The following CEP128 variants were observed in gnomAD, a reference collection of about 807,000 sequenced individuals.
CEP128 encodes the protein centrosomal protein 128.
In CEP128, 132 loss-of-function variants were observed where a neutral mutation model predicts 156.7. The observed-to-expected ratio is 0.84, with a 90% CI of 0.73 to 0.97. The LOEUF is 0.97. Ranked by LOEUF, CEP128 falls within the 50% of genes least tolerant of loss-of-function variation. The pLI is 0.00. For synonymous variants in CEP128, 469 were observed against 448.9 expected (o/e 1.04, Z -0.57); for missense variants, 1,252 against 1,281.9 (o/e 0.98, Z 0.36).
chr14:80,856,982 G>A (rs996844160), intron 9 of CEP128, among the ~76,000 whole-genome samples: 2 of 151,160 alleles, frequency 1.3e-5, no homozygotes, highest in African/African-American at 2.4e-5. Flanking sequence ...TCCTGATCTC[G>A]AGTGACCCGC....
intron 19 of CEP128, among the ~76,000 whole-genome samples, chr14:80,619,367 G>GACACAGAC (rs1893366517): frequency 7.2e-6 from 1 of 139,374 alleles, no homozygotes; most frequent in East Asian, 2.1e-4. Context: ...AAGACACACA[G>GACACAGAC]ACACACACAC....
intron 19 of CEP128, among the ~76,000 whole-genome samples, chr14:80,715,926 A>C (rs1036536166): frequency 2.0e-4 from 30 of 152,202 alleles, no homozygotes; most frequent in African/African-American, 6.5e-4. Flanking sequence ...ATGAGTGTTA[A>C]CCACTTTTTC....
chr14:80,651,232 A>C (rs1311847071), intron 19 of CEP128, among the ~76,000 whole-genome samples: 1 of 152,116 alleles, frequency 6.6e-6, no homozygotes, highest in Admixed American at 6.6e-5. Context: ...CTCTGATGGT[A>C]GTTTGTATTT....
chr14:80,528,615 G>T (rs72689035), intron 22 of CEP128, among the ~76,000 whole-genome samples: 2 of 152,094 alleles, frequency 1.3e-5, no homozygotes, highest in Non-Finnish European at 2.9e-5. Flanking sequence ...AAATATGACC[G>T]CATTTAAACA....
chr14:80,815,444 G>A (rs748892108), intron 13 of CEP128, among the ~76,000 whole-genome samples: 1 of 152,178 alleles, frequency 6.6e-6, no homozygotes, highest in Non-Finnish European at 1.5e-5. Flanking sequence ...TGGAGGAAAA[G>A]GCAATGCTGG....
At chr14:80,752,755 G>A (rs1007019190) in intron 18 of CEP128, among the ~76,000 whole-genome samples, 6 of 152,134 alleles carry the variant, frequency 3.9e-5, no homozygotes, top group African/African-American at 1.2e-4. Context: ...TAAGCCCTTC[G>A]CAGTAACTAA....
rs74064764 is a variant in CEP128, at chr14:80,955,443, A to C, written c.-172+2735T>G. 3.0e-3 allele frequency: 1,778 copies of C among 588,348 alleles called. 43 individuals are homozygous for C. Among genetic ancestry groups the C allele is most frequent in the African/African-American group, 0.03 (1,618 of 54,024 alleles). 36.4% of individuals were successfully genotyped at this position (588,348 alleles called of 1,614,324 possible). ...GCGGACTGCGTGGGTCCAGCCAAGG[A>C]AAGTGAAGCAAGCAGACTTGTTTGG... On this transcript the variant is annotated intron_variant, in intron 2 of 7. Transcript: ENST00000555529.
intron 21 of CEP128, among the ~76,000 whole-genome samples, chr14:80,555,013 T>A (rs572517352): frequency 6.6e-6 from 1 of 152,166 alleles, no homozygotes; most frequent in Admixed American, 6.5e-5. Flanking sequence ...GAAGGACCTA[T>A]TTAGATCCTG....
At chr14:80,917,418 A>C (rs565080772) in intron 2 of CEP128, among the ~76,000 whole-genome samples, 7 of 152,360 alleles carry the variant, frequency 4.6e-5, no homozygotes, top group Non-Finnish European at 1.0e-4. Context: ...TTCATTTTCT[A>C]CTTACTGGTG....
chr14:80,529,991 A>G (rs1040857402), intron 22 of CEP128, among the ~76,000 whole-genome samples: 2 of 152,168 alleles, frequency 1.3e-5, no homozygotes, highest in Non-Finnish European at 1.5e-5. Flanking sequence ...TTTCCTATCC[A>G]CTGTATCTTC....
chr14:80,749,221 T>G (rs1056255443), intron 18 of CEP128, among the ~76,000 whole-genome samples: 1 of 152,124 alleles, frequency 6.6e-6, no homozygotes, highest in African/African-American at 2.4e-5. Context: ...GGAGAACATA[T>G]GGAGGTTTCT....
intron 14 of CEP128, among the ~76,000 whole-genome samples, chr14:80,482,692 G>C (rs1440837083): frequency 6.6e-6 from 1 of 152,166 alleles, no homozygotes; most frequent in Non-Finnish European, 1.5e-5. Flanking sequence ...ACCTTGGGAA[G>C]CTCAAACTTT....
At chr14:80,892,752 A>G (rs1321329386) in intron 8 of CEP128, among the ~76,000 whole-genome samples, 3 of 151,982 alleles carry the variant, frequency 2.0e-5, no homozygotes, top group African/African-American at 7.2e-5. Flanking sequence ...CTAAATAGAC[A>G]TTTCTCCATA....
rs566675444 is a variant in CEP128, at chr14:80,770,143, G to A, written c.2376+7739C>T. Among the ~76,000 whole-genome samples, 9 of 152,322 alleles carry A rather than the reference G, an allele frequency of 5.9e-5. No homozygotes were observed. In the East Asian group the frequency reaches 1.5e-3, roughly 26 times the overall value. On this transcript the variant is annotated intron_variant, in intron 16 of 24. Coordinates refer to ENST00000555265, the MANE Select transcript of CEP128 (RefSeq NM_152446.5). ...GTTATCAATCCCTCAGTGAGTTAAGGATTTAATAGCAGGCCTCTCAATCAA... is the reference window on the plus strand; with the variant it reads ...GTTATCAATCCCTCAGTGAGTTAAGAATTTAATAGCAGGCCTCTCAATCAA...
chr14:80,574,357 A>G (rs1891268423), intron 20 of CEP128, among the ~76,000 whole-genome samples: 1 of 152,108 alleles, frequency 6.6e-6, no homozygotes, highest in African/African-American at 2.4e-5. Context: ...TGCAATCTCT[A>G]AAAGTACTGG....
At position 80,578,234 on chromosome 14, in the gene CEP128, T is replaced by C. The variant is rs575401624; in HGVS notation, c.2856+2140A>G. ...TACACACAGCTTGCCTTTGTATCCCTAGCACCTAGTACAGTGGTGTGCACA... is the reference window on the plus strand; with the variant it reads ...TACACACAGCTTGCCTTTGTATCCCCAGCACCTAGTACAGTGGTGTGCACA... On this transcript the variant is annotated intron_variant, in intron 20 of 24. Coordinates refer to ENST00000555265, the MANE Select transcript of CEP128 (RefSeq NM_152446.5). 3.5e-4 allele frequency among the ~76,000 whole-genome samples: 53 copies of C among 152,294 alleles called. No homozygotes were observed. In the South Asian group the frequency reaches 0.01, roughly 29 times the overall value.
chr14:80,551,558 T>C (rs1890209363), intron 21 of CEP128, among the ~76,000 whole-genome samples: 1 of 152,240 alleles, frequency 6.6e-6, no homozygotes, highest in Admixed American at 6.5e-5. Flanking sequence ...CTGTGAAAAC[T>C]GTCTCACTTT....
intron 2 of CEP128, among the ~76,000 whole-genome samples, chr14:80,934,887 A>G (rs908522126): frequency 1.3e-5 from 2 of 152,246 alleles, no homozygotes; most frequent in African/African-American, 4.8e-5. Context: ...ACATTTATAC[A>G]AAGGCATAAT....
intron 19 of CEP128, among the ~76,000 whole-genome samples, chr14:80,665,893 A>G (rs1895592110): frequency 6.6e-6 from 1 of 152,218 alleles, no homozygotes. Flanking sequence ...ATGCCATAAA[A>G]TGACCAAAGT....
Sources: allele counts gnomAD v4.1 joint callset (sites outside exome capture counted in the v4.1 genomes callset), GRCh38; gene constraint gnomAD v4.1.1; transcripts MANE v1.5; gene names NCBI Gene and HGNC (gene_info 2026-07-23, HGNC 2026-07-21).